Variants in TBC1D9 observed in about 807,000 individuals in gnomAD.
TBC1D9 encodes the protein TBC1 domain family member 9A.
Under a neutral mutation model 132.0 loss-of-function variants are expected in TBC1D9, and 63 were observed. The ratio of observed to expected loss-of-function variants is 0.48; its 90% CI spans 0.39 to 0.59. The LOEUF (loss-of-function observed/expected upper bound fraction) is 0.59. Among genes scored for constraint, TBC1D9 ranks in the 20% least tolerant of loss-of-function variants. The pLI, the probability that TBC1D9 is intolerant of heterozygous loss-of-function variation, is 0.00. For synonymous variants in TBC1D9, 610 were observed against 609.9 expected (o/e 1.00, Z 0.00); for missense variants, 1,261 against 1,592.7 (o/e 0.79, Z 3.54).
chr4:140,642,559 G>A (rs1737020786), intron 13 of TBC1D9: 2 of 1,052,920 alleles, frequency 1.9e-6, no homozygotes, highest in South Asian at 1.4e-5. Context: ...GGCCTTTGTC[G>A]AGCTTGCTTG....
At position 140,681,945 on chromosome 4, in the gene TBC1D9, A is replaced by G. The variant is rs546383662; in HGVS notation, c.361-2102T>C. On this transcript the variant is annotated intron_variant, in intron 3 of 20. Transcript: ENST00000442267. ...CATGCTGGCAGAAAATAGCATGTTT[A>G]TATGTCCTTCTACCACTAAATATGA... is the stretch of plus-strand genomic sequence containing the variant. Among the ~76,000 whole-genome samples, 8 of 152,334 alleles carry G rather than the reference A, an allele frequency of 5.3e-5. No individual in the cohort carries two copies. In the East Asian group the frequency reaches 9.6e-4, roughly 18 times the overall value.
chr4:140,622,492 C>A lies in TBC1D9; in HGVS notation c.3504G>T (p.Leu1168=), dbSNP rs1736633628. ...DDSSMSSYSV[L]SAGSHEEDKL... The stretch of plus-strand genomic sequence containing the variant: ...TGTCCTCCTCGTGGGAGCCGGCACT[C>A]AGCACCGAGTATGAGGACATGGAGC... The change falls in exon 21 of 21, where the codon CTG becomes CTT. Residue 1168 remains leucine (L), a synonymous_variant. Transcript: ENST00000442267. The A allele has an allele frequency of 6.2e-7, 1 of 1,613,946 alleles. No homozygotes were observed. Among genetic ancestry groups the A allele is most frequent in the Non-Finnish European group, 8.5e-7 (1 of 1,179,910 alleles).
In TBC1D9 at chr4:140,642,806, T is replaced by C. The variant is rs28446100; in HGVS notation, c.2338-3378A>G. 798 of 619,444 alleles carry C rather than the reference T, an allele frequency of 1.3e-3. 8 individuals are homozygous for C. The highest frequency in any genetic ancestry group is 0.013 in the African/African-American group (699 of 54,396). The allele number at this position is 619,444 out of a possible 1,614,324, so 38.4% of individuals were successfully genotyped here. ...GCTCAGCTTTCCGCTACTGTTGCAG[T>C]TCTTCCCCCTCTTGCGGGCGGGCGA... On this transcript the variant is annotated intron_variant, in intron 13 of 20. Coordinates refer to ENST00000442267, the MANE Select transcript of TBC1D9 (RefSeq NM_015130.3).
chr4:140,709,095 C>T (rs1041914684), intron 1 of TBC1D9, among the ~76,000 whole-genome samples: 22 of 152,046 alleles, frequency 1.4e-4, no homozygotes, highest in East Asian at 3.8e-4. Context: ...TTGTTTTAAA[C>T]GGCCATCCAC....
intron 18 of TBC1D9, among the ~76,000 whole-genome samples, chr4:140,625,754 G>A (rs1386073947): frequency 2.0e-5 from 3 of 152,100 alleles, no homozygotes; most frequent in Admixed American, 6.6e-5. Flanking sequence ...TATTCTCACT[G>A]GATTTCAAGT....
intron 6 of TBC1D9, among the ~76,000 whole-genome samples, chr4:140,674,676 A>AATAT (rs137879044): frequency 1.6e-4 from 23 of 142,024 alleles, no homozygotes; most frequent in African/African-American, 4.8e-4. Flanking sequence ...ATTGTAGAAG[A>AATAT]ATATATATAT....
At chr4:140,695,205 A>G (rs1481537546) in intron 2 of TBC1D9, among the ~76,000 whole-genome samples, 2 of 152,174 alleles carry the variant, frequency 1.3e-5, no homozygotes, top group East Asian at 3.8e-4. Flanking sequence ...GAGTGGGGAG[A>G]CCTGAGAACT....
intron 1 of TBC1D9, among the ~76,000 whole-genome samples, chr4:140,732,724 A>G (rs968301969): frequency 3.3e-5 from 5 of 152,170 alleles, no homozygotes; most frequent in African/African-American, 1.2e-4. Context: ...ATCAAGCCCT[A>G]AAATTCCTTC....
At position 140,622,007 on chromosome 4, in the gene TBC1D9, T is replaced by C. The variant is rs1308922360; in HGVS notation, c.*188A>G. On this transcript the variant is annotated 3_prime_UTR_variant, in exon 21 of 21. Coordinates refer to ENST00000442267, the MANE Select transcript of TBC1D9 (RefSeq NM_015130.3). ...CCCTCCCCGCAACAAGAGTGTAATGTACCTACATTGAGGTGTTTAAATATT... is the reference window on the plus strand; with the variant it reads ...CCCTCCCCGCAACAAGAGTGTAATGCACCTACATTGAGGTGTTTAAATATT... 1.3e-6 allele frequency: 1 copy of C among 756,506 alleles called. No homozygotes were observed. The highest frequency in any genetic ancestry group is 1.7e-5 in the African/African-American group (1 of 57,286). The allele number at this position is 756,506 out of a possible 1,614,324, so 46.9% of individuals were successfully genotyped here.
chr4:140,687,697 A>G (rs1737810451), intron 2 of TBC1D9, among the ~76,000 whole-genome samples: 1 of 152,042 alleles, frequency 6.6e-6, no homozygotes, highest in Non-Finnish European at 1.5e-5. Flanking sequence ...TTTCAGATAC[A>G]CTGAGGAAAG....
chr4:140,745,618 A>T (rs1738825376), intron 1 of TBC1D9, among the ~76,000 whole-genome samples: 1 of 152,190 alleles, frequency 6.6e-6, no homozygotes, highest in African/African-American at 2.4e-5. Flanking sequence ...GCTTTATAAT[A>T]AGACTGCAGT....
chr4:140,710,041 C>A (rs1166723111), intron 1 of TBC1D9, among the ~76,000 whole-genome samples: 2 of 152,174 alleles, frequency 1.3e-5, no homozygotes, highest in Non-Finnish European at 2.9e-5. Context: ...GGCTCTAGGG[C>A]AGTCATGTTC....
intron 1 of TBC1D9, among the ~76,000 whole-genome samples, chr4:140,740,423 A>ATC (rs1243778550): frequency 6.6e-6 from 1 of 152,072 alleles, no homozygotes; most frequent in African/African-American, 2.4e-5. Flanking sequence ...TTACAATCTC[A>ATC]TCTTCCTGGG....
At chr4:140,649,700 G>A (rs1240022611) in intron 13 of TBC1D9, among the ~76,000 whole-genome samples, 1 of 152,170 alleles carries the variant, frequency 6.6e-6, no homozygotes, top group Non-Finnish European at 1.5e-5. Context: ...GTGTTAGGTG[G>A]GGAGTAGATG....
In TBC1D9 at chr4:140,716,600, T is replaced by C. The variant is rs150617603; in HGVS notation, c.131-14986A>G. ...TCTTTGCAAAGTAATTACAAAGTCA[T>C]TTCCAGGAAACCATTCTCTTTTCAT... On this transcript the variant is annotated intron_variant, in intron 1 of 20. Transcript: ENST00000442267. Among the ~76,000 whole-genome samples the C allele has an allele frequency of 3.2e-3, 492 of 152,252 alleles. 1 individual carries two copies. The highest frequency in any genetic ancestry group is 0.011 in the African/African-American group (460 of 41,554).
At chr4:140,633,896 G>A (rs983744716) in intron 16 of TBC1D9, 52 bp downstream of exon 16, 57 of 1,600,370 alleles carry the variant, frequency 3.6e-5, no homozygotes, top group Middle Eastern at 1.7e-4. Flanking sequence ...GGCAACACTA[G>A]GCACAACTCC....
chr4:140,695,074 G>A (rs1054185970), intron 2 of TBC1D9, among the ~76,000 whole-genome samples: 1 of 152,154 alleles, frequency 6.6e-6, no homozygotes, highest in Non-Finnish European at 1.5e-5. Flanking sequence ...ATCTACAGTA[G>A]AGAATAAGAG....
chr4:140,627,683 T>C (rs908434248), intron 17 of TBC1D9, among the ~76,000 whole-genome samples, 156 bp from the exon 18 acceptor site: 6 of 152,182 alleles, frequency 3.9e-5, no homozygotes, highest in African/African-American at 1.4e-4. Flanking sequence ...TAAACCTTAG[T>C]GGAGGAGGTC....
chr4:140,653,452 T>G (rs1366272985), intron 13 of TBC1D9, among the ~76,000 whole-genome samples: 1 of 152,194 alleles, frequency 6.6e-6, no homozygotes, highest in Non-Finnish European at 1.5e-5. Context: ...ACCGGACATT[T>G]GGAATCGCCA....
Sources: allele counts gnomAD v4.1 joint callset (sites outside exome capture counted in the v4.1 genomes callset), GRCh38; gene constraint gnomAD v4.1.1; transcripts MANE v1.5; gene names NCBI Gene and HGNC (gene_info 2026-07-23, HGNC 2026-07-21).